Variants in ADAM17 observed in about 807,000 individuals in gnomAD.
The protein encoded by ADAM17 is ADAM metallopeptidase domain 17.
ADAM17 carries 39 observed loss-of-function variants against 96.7 expected under a neutral mutation model. The observed-to-expected ratio is 0.40, with a 90% confidence interval of 0.31 to 0.53. The LOEUF is 0.53. ADAM17 is among the 20% of genes least tolerant of loss of function. ADAM17 has a pLI of 0.44. For missense variants in ADAM17, 777 were observed against 1,013.2 expected (o/e 0.77, Z 3.17); for synonymous variants, 344 against 359.2 (o/e 0.96, Z 0.48).
Position 9,543,133 on chromosome 2 carries a change from C to T in ADAM17, c.230+20G>A. The stretch of plus-strand genomic sequence containing the variant: ...AAGCCCCCAGTGCCCCAACATTATT[C>T]CATGAATAATTCAAATTACCTTTTC... On this transcript the variant is annotated intron_variant, in intron 2 of 18. Transcript: ENST00000310823. The T allele has an allele frequency of 6.4e-7, 1 of 1,561,224 alleles. No homozygotes were observed. Among genetic ancestry groups the T allele is most frequent in the Non-Finnish European group, 8.7e-7 (1 of 1,155,752 alleles).
At chr2:9,512,735 ACATAC>A (rs1445998352) in intron 10 of ADAM17, among the ~76,000 whole-genome samples, 1 of 152,182 alleles carries the variant, frequency 6.6e-6, no homozygotes, top group African/African-American at 2.4e-5. Flanking sequence ...TAGTATGAGA[ACATAC>A]CCATTTTGTC....
chr2:9,555,744 T>C lies in ADAM17; in HGVS notation c.-139A>G. 1.5e-6 allele frequency: 1 copy of C among 667,738 alleles called. No homozygotes were observed. The highest frequency in any genetic ancestry group is 2.3e-6 in the Non-Finnish European group (1 of 436,802). 41.4% of individuals were successfully genotyped at this position (667,738 alleles called of 1,614,324 possible). A position where few individuals can be genotyped will look rare whatever the true frequency, so the allele number is the denominator to read the frequency against. On this transcript the variant is annotated 5_prime_UTR_variant, in exon 1 of 19. Coordinates refer to ENST00000310823, the MANE Select transcript of ADAM17 (RefSeq NM_003183.6). ...CTCTTTTCCCTCCCGCGCCGCCTAC[T>C]GGGAAGATTCTACCGCCAGGCTCGA...
rs929547335 is a variant in ADAM17, at chr2:9,518,460, C to A, written c.958-213G>T. 2.6e-5 allele frequency among the ~76,000 whole-genome samples: 4 copies of A among 152,274 alleles called. No individual in the cohort carries two copies. In the South Asian group the frequency reaches 8.3e-4, roughly 32 times the overall value. ...ACAGGTGAGAGGCACACACTGTCAT[C>A]TGACAAGGGACACAAAAGGGAATAG... On this transcript the variant is annotated intron_variant, in intron 8 of 18. Coordinates refer to ENST00000310823, the MANE Select transcript of ADAM17 (RefSeq NM_003183.6).
chr2:9,552,554 T>C (rs991880237), intron 1 of ADAM17, among the ~76,000 whole-genome samples: 4 of 152,168 alleles, frequency 2.6e-5, no homozygotes, highest in African/African-American at 9.7e-5. Context: ...ATATGGAGAA[T>C]CCCCATGCCA....
intron 4 of ADAM17, among the ~76,000 whole-genome samples, chr2:9,532,794 AT>A (rs1371023745): frequency 6.6e-6 from 1 of 152,026 alleles, no homozygotes; most frequent in Non-Finnish European, 1.5e-5. Flanking sequence ...CTAAGTAAAT[AT>A]CTTACAATGA....
rs1346054294 is a variant in ADAM17, at chr2:9,498,516, T to TG, written c.1649-1269dup. Among the ~76,000 whole-genome samples, 7 of 152,212 alleles carry TG rather than the reference T, an allele frequency of 4.6e-5. No individual in the cohort carries two copies. In the East Asian group the frequency reaches 1.3e-3, roughly 29 times the overall value. On this transcript the variant is annotated intron_variant, in intron 13 of 18. Coordinates refer to ENST00000310823, the MANE Select transcript of ADAM17 (RefSeq NM_003183.6). ...CACAGCTCTGGACTGGCCTTTCAGC[T>TG]GAAGAATGAAGCCAATCAAAAGAAT...
At chr2:9,492,660 A>C (rs1292071895) in intron 17 of ADAM17, among the ~76,000 whole-genome samples, 2 of 152,214 alleles carry the variant, frequency 1.3e-5, no homozygotes, top group Admixed American at 6.5e-5. Flanking sequence ...AAAAGTATAA[A>C]ATTCCTAAGA....
chr2:9,496,160 G>A (rs540026896), intron 14 of ADAM17, among the ~76,000 whole-genome samples: 25 of 151,188 alleles, frequency 1.7e-4, no homozygotes, highest in Admixed American at 2.6e-4. Context: ...ATGGAGTCTC[G>A]CTCTGTTGCC....
At chr2:9,518,782 A>T (rs1208626494) in intron 8 of ADAM17, among the ~76,000 whole-genome samples, 1 of 152,198 alleles carries the variant, frequency 6.6e-6, no homozygotes, top group East Asian at 1.9e-4. Flanking sequence ...ATTTAAATCA[A>T]CACTGCAGGT....
intron 8 of ADAM17, among the ~76,000 whole-genome samples, chr2:9,518,947 C>G (rs1664192889): frequency 6.6e-6 from 1 of 151,952 alleles, no homozygotes; most frequent in Non-Finnish European, 1.5e-5. Flanking sequence ...GCTGTGTCAC[C>G]TAGGCTGGAA....
chr2:9,528,492 ATTAC>A (rs1238333883), intron 4 of ADAM17, among the ~76,000 whole-genome samples: 1 of 152,216 alleles, frequency 6.6e-6, no homozygotes, highest in Non-Finnish European at 1.5e-5. Flanking sequence ...TCTGAACCTT[ATTAC>A]TTGTTTCAGC....
At chr2:9,499,371 T>C (rs1401073272) in intron 13 of ADAM17, among the ~76,000 whole-genome samples, 3 of 152,170 alleles carry the variant, frequency 2.0e-5, no homozygotes, top group Non-Finnish European at 4.4e-5. Context: ...TCTTTAAAGC[T>C]TGATTTAGAT....
chr2:9,522,925 G>T (rs1283490763), intron 7 of ADAM17, among the ~76,000 whole-genome samples: 1 of 152,128 alleles, frequency 6.6e-6, no homozygotes, highest in Non-Finnish European at 1.5e-5. Context: ...AATGGTGCAT[G>T]CCAGAGTTTT....
intron 13 of ADAM17, among the ~76,000 whole-genome samples, chr2:9,501,322 C>T (rs1033257030): frequency 1.3e-5 from 2 of 152,078 alleles, no homozygotes; most frequent in Non-Finnish European, 2.9e-5. Context: ...TAATTCCAAG[C>T]GTTGGCCAGA....
At chr2:9,494,910 C>T (rs938721159) in intron 14 of ADAM17, 143 bp from the exon 15 acceptor site, 3 of 984,312 alleles carry the variant, frequency 3.0e-6, no homozygotes, top group South Asian at 2.0e-5. Context: ...CTATCCATAG[C>T]CCCCACCAAG....
chr2:9,499,735 T>C (rs998446312), intron 13 of ADAM17, among the ~76,000 whole-genome samples: 1 of 152,144 alleles, frequency 6.6e-6, no homozygotes, highest in East Asian at 1.9e-4. Context: ...AGTAATGTGA[T>C]AGTGACAGAT....
intron 10 of ADAM17, among the ~76,000 whole-genome samples, chr2:9,514,435 G>C (rs1481661750): frequency 2.1e-5 from 3 of 146,136 alleles, no homozygotes; most frequent in African/African-American, 7.6e-5. Context: ...AATGGGTGCA[G>C]CACACCAACA....
chr2:9,503,310 CT>C (rs1663139232), intron 12 of ADAM17, among the ~76,000 whole-genome samples: 1 of 152,088 alleles, frequency 6.6e-6, no homozygotes. Flanking sequence ...AAGTTTAACC[CT>C]TTTACTTCTA....
rs565512166 is a variant in ADAM17, at chr2:9,535,941, T to G, written c.362-19A>C. The G allele has an allele frequency of 2.3e-5, 32 of 1,413,164 alleles. No individual in the cohort carries two copies. Among genetic ancestry groups the G allele is most frequent in the Non-Finnish European group, 3.0e-5 (32 of 1,049,940 alleles). The allele number at this position is 1,413,164 out of a possible 1,614,324, so 87.5% of individuals were successfully genotyped here. A position where few individuals can be genotyped will look rare whatever the true frequency, so the allele number is the denominator to read the frequency against. ...GGCTCACCTTAAGAGAAAAAAAAAATTATTATTTAAAAATACTTACATCAA... is the reference window on the plus strand; with the variant it reads ...GGCTCACCTTAAGAGAAAAAAAAAAGTATTATTTAAAAATACTTACATCAA... On this transcript the variant is annotated intron_variant, in intron 3 of 18. Coordinates refer to ENST00000310823, the MANE Select transcript of ADAM17 (RefSeq NM_003183.6).
Sources: allele counts gnomAD v4.1 joint callset (sites outside exome capture counted in the v4.1 genomes callset), GRCh38; gene constraint gnomAD v4.1.1; transcripts MANE v1.5; gene names NCBI Gene and HGNC (gene_info 2026-07-23, HGNC 2026-07-21).